Variants in SUCO observed in about 807,000 individuals in gnomAD.
The protein encoded by SUCO is SUN domain containing ossification factor, also known as SUN domain-containing ossification factor.
Under a neutral mutation model 148.1 loss-of-function variants are expected in SUCO, and 57 were observed. The ratio of observed to expected loss-of-function variants is 0.38; its 90% CI spans 0.31 to 0.48. The LOEUF is 0.48. Among genes scored for constraint, SUCO ranks in the 20% least tolerant of loss-of-function variants. SUCO has a pLI of 0.96. For missense variants in SUCO, 1,331 were observed against 1,468.2 expected, an observed-to-expected ratio of 0.91 and a Z score of 1.53; for synonymous variants, 470 against 502.7, an observed-to-expected ratio of 0.93 and a Z score of 0.87.
chr1:172,547,180 A>G (rs927052853), intron 1 of SUCO, among the ~76,000 whole-genome samples: 4 of 152,204 alleles, frequency 2.6e-5, no homozygotes, highest in Non-Finnish European at 5.9e-5. Flanking sequence ...CTTTTACTCA[A>G]TGTAATGTCT....
chr1:172,582,388 T>C (rs1348772567), intron 15 of SUCO, among the ~76,000 whole-genome samples: 1 of 152,154 alleles, frequency 6.6e-6, no homozygotes, highest in East Asian at 1.9e-4. Context: ...GAAAAATGTT[T>C]GTTTTCTTTA....
chr1:172,574,868 G>T (rs976312113), intron 10 of SUCO: 1 of 985,132 alleles, frequency 1.0e-6, no homozygotes, highest in Non-Finnish European at 1.2e-6. Flanking sequence ...AAGACCTCTT[G>T]AGAATTCTGT....
chr1:172,602,579 G>C, intron 21 of SUCO, 117 bp from the exon 22 acceptor site: 1 of 1,482,260 alleles, frequency 6.7e-7, no homozygotes, highest in Non-Finnish European at 8.9e-7. Flanking sequence ...TGGAGTGTTA[G>C]AGTTAGTCCC....
At chr1:172,550,523 C>T (rs1488907091) in intron 1 of SUCO, among the ~76,000 whole-genome samples, 1 of 151,910 alleles carries the variant, frequency 6.6e-6, no homozygotes, top group Non-Finnish European at 1.5e-5. Flanking sequence ...TATATAAACT[C>T]ATCTGCAGTT....
chr1:172,549,255 T>TTAAA (rs1653098820), intron 1 of SUCO, among the ~76,000 whole-genome samples: 1 of 151,858 alleles, frequency 6.6e-6, no homozygotes, highest in Non-Finnish European at 1.5e-5. Flanking sequence ...AGTTTCTTCA[T>TTAAA]TAAAACTCAG....
chr1:172,560,746 A>G (rs1270866869), intron 6 of SUCO, among the ~76,000 whole-genome samples: 2 of 152,224 alleles, frequency 1.3e-5, no homozygotes, highest in African/African-American at 4.8e-5. Context: ...AGCTACTCCT[A>G]AAAGAGAAGA....
Position 172,552,872 on chromosome 1 carries a change from C to G in SUCO, c.178-388C>G, listed in dbSNP as rs542585711. Among the ~76,000 whole-genome samples, 38 of 152,046 alleles carry G rather than the reference C, an allele frequency of 2.5e-4. No homozygotes were observed. In the South Asian group the frequency reaches 7.5e-3, roughly 30 times the overall value. On this transcript the variant is annotated intron_variant, in intron 2 of 23. Transcript: ENST00000263688. ...AATATGAACTTTTATGAAAATTACA[C>G]TCTAGAAGGCATAAAGGTATTAGAA...
chr1:172,551,575 T>C lies in SUCO; in HGVS notation c.126T>C (p.Ser42=). The change falls in exon 2 of 24, where the codon TCT becomes TCC. Residue 42 remains serine, a synonymous_variant. Coordinates refer to ENST00000263688, the MANE Select transcript of SUCO (RefSeq NM_014283.5). The part of the protein sequence containing the change: ...SSSASASSYY[S]QDDNCALENE... ...CAGCTTCAGCGTCATCATATTACTC[T>C]CAAGATGACAACTGCGCACTAGAAA... 1 of 1,611,396 alleles carries C rather than the reference T, an allele frequency of 6.2e-7. No individual in the cohort carries two copies. Among genetic ancestry groups the C allele is most frequent in the Non-Finnish European group, 8.5e-7 (1 of 1,178,572 alleles).
At chr1:172,583,703 C>A (rs1332344540) in intron 15 of SUCO, among the ~76,000 whole-genome samples, 1 of 152,106 alleles carries the variant, frequency 6.6e-6, no homozygotes, top group Admixed American at 6.5e-5. Flanking sequence ...TAATATGTAG[C>A]CCCTGCCAGA....
upstream of SUCO, chr1:172,532,499 T>C (rs746754464): frequency 1.3e-5 from 21 of 1,613,352 alleles, no homozygotes; most frequent in East Asian, 2.2e-5. Flanking sequence ...CACGCCCCTT[T>C]CTATCTACCA....
At chr1:172,559,081 G>A (rs1302277212) in intron 6 of SUCO, among the ~76,000 whole-genome samples, 9 of 152,160 alleles carry the variant, frequency 5.9e-5, no homozygotes, top group South Asian at 2.1e-4. Context: ...ACTCTGTCCC[G>A]TTAAGTTTGT....
At chr1:172,542,370 G>A (rs1375893270) in intron 1 of SUCO, among the ~76,000 whole-genome samples, 3 of 151,938 alleles carry the variant, frequency 2.0e-5, no homozygotes, top group East Asian at 3.9e-4. Context: ...CAACAAGAGC[G>A]AAACTCCGTC....
chr1:172,577,743 T>G, intron 12 of SUCO, 21 bp from the exon 13 acceptor site: 1 of 1,609,298 alleles, frequency 6.2e-7, no homozygotes, highest in Non-Finnish European at 8.5e-7. Context: ...GCTTCCCATT[T>G]TATGTGCTTT....
At chr1:172,555,264 A>T in intron 3 of SUCO, 1 of 289,750 alleles carries the variant, frequency 3.5e-6, no homozygotes, top group Non-Finnish European at 5.2e-6. Context: ...CACTGGAGGC[A>T]TAGGGGAAAG....
intron 1 of SUCO, among the ~76,000 whole-genome samples, chr1:172,547,082 T>C (rs73032200): frequency 6.2e-4 from 94 of 152,308 alleles, no homozygotes; most frequent in African/African-American, 2.1e-3. Context: ...CAAGTAGTGA[T>C]CTGATTTCTG....
chr1:172,539,708 T>C (rs959906791), intron 1 of SUCO, among the ~76,000 whole-genome samples: 4 of 152,228 alleles, frequency 2.6e-5, no homozygotes, highest in Non-Finnish European at 5.9e-5. Context: ...GCCTCACTCG[T>C]AGTAAGCACT....
At chr1:172,608,925 A>C (rs981340185) in intron 23 of SUCO, 123 bp downstream of exon 23, 3 of 715,502 alleles carry the variant, frequency 4.2e-6, no homozygotes, top group Middle Eastern at 2.9e-4. Flanking sequence ...ATTTTCTATC[A>C]TGATAATGTT....
rs77240569 is a variant in SUCO, at chr1:172,536,636, G to A, written c.62+3139G>A. ...GCATTAGTTTCTTATGCCTGCTGTA[G>A]CAAATTGACACAAATTTAGTGGCTT... On this transcript the variant is annotated intron_variant, in intron 1 of 23. Transcript: ENST00000263688. Among the ~76,000 whole-genome samples the A allele has an allele frequency of 3.7e-3, 570 of 152,244 alleles. 4 individuals are homozygous for A. The highest frequency in any genetic ancestry group is 0.014 in the Middle Eastern group (4 of 294).
At chr1:172,578,090 C>A (rs908342785) in intron 13 of SUCO, among the ~76,000 whole-genome samples, 2 of 151,770 alleles carry the variant, frequency 1.3e-5, no homozygotes, top group African/African-American at 4.8e-5. Context: ...TATGAAAACT[C>A]ATCCATTTAA....
Sources: gnomAD v4.1 joint callset for allele counts (sites outside exome capture counted in the v4.1 genomes callset) on GRCh38, gnomAD v4.1.1 for gene constraint, MANE v1.5 for transcripts, NCBI Gene and HGNC (gene_info 2026-07-23, HGNC 2026-07-21) for gene names.